FAM156A: variants seen among roughly 807,000 people sequenced by gnomAD.
FAM156A encodes protein FAM156A/FAM156B.
intron 1 of FAM156A, among the ~76,000 whole-genome samples, chrX:52,993,106 G>A (rs1273291434): frequency 2.7e-5 from 3 of 111,641 alleles, no homozygotes; most frequent in African/African-American, 9.8e-5. Flanking sequence ...GGGAGAAATA[G>A]AGATGGGGAC....
intron 1 of FAM156A, among the ~76,000 whole-genome samples, chrX:52,979,559 C>T (rs1602048959): frequency 9.0e-6 from 1 of 111,185 alleles, no homozygotes; most frequent in African/African-American, 3.3e-5. Context: ...CACACCTGTC[C>T]CTGGCAGCCT....
At chrX:52,985,443 G>A (rs1556794215) in intron 1 of FAM156A, among the ~76,000 whole-genome samples, 1 of 110,799 alleles carries the variant, frequency 9.0e-6, no homozygotes, top group Admixed American at 9.6e-5. Context: ...TTATCATATT[G>A]GAAAAAATAA....
At chrX:52,979,165 G>A (rs1350051649) in intron 1 of FAM156A, among the ~76,000 whole-genome samples, 3 of 112,007 alleles carry the variant, frequency 2.7e-5, no homozygotes, top group Non-Finnish European at 3.8e-5. Flanking sequence ...GAGACTCACC[G>A]TAAGGGTAGG....
chrX:52,980,851 T>TGTGTGTGTGG (rs1356126923), intron 1 of FAM156A, among the ~76,000 whole-genome samples: 9 of 43,947 alleles, frequency 2.0e-4, no homozygotes, highest in Non-Finnish European at 2.7e-4. Flanking sequence ...TGTGTGTGTG[T>TGTGTGTGTGG]AGAGGGAGAG....
At chrX:52,982,355 G>A (rs782502043) in intron 1 of FAM156A, among the ~76,000 whole-genome samples, 3 of 111,365 alleles carry the variant, frequency 2.7e-5, no homozygotes, top group East Asian at 5.6e-4. Flanking sequence ...TCGAGAGGCT[G>A]AGGTGGGAGA....
chrX:52,987,229 CAG>C (rs1226202758), intron 1 of FAM156A, among the ~76,000 whole-genome samples: 16 of 112,021 alleles, frequency 1.4e-4, no homozygotes, highest in African/African-American at 4.9e-4. Context: ...TCATGGATTA[CAG>C]ACTCATTATA....
chrX:52,983,616 G>A (rs1449724159), intron 1 of FAM156A, among the ~76,000 whole-genome samples: 2 of 111,842 alleles, frequency 1.8e-5, no homozygotes, highest in African/African-American at 6.5e-5. Context: ...GGAGGAGAGA[G>A]AAACCCAAAT....
At chrX:52,973,643 C>T (rs1929210547) in intron 1 of FAM156A, among the ~76,000 whole-genome samples, 1 of 111,825 alleles carries the variant, frequency 8.9e-6, no homozygotes, top group African/African-American at 3.3e-5. Flanking sequence ...GTACTGGACA[C>T]GGAACAATTG....
At chrX:52,989,445 C>G (rs985094685) in intron 1 of FAM156A, among the ~76,000 whole-genome samples, 2 of 112,138 alleles carry the variant, frequency 1.8e-5, no homozygotes, top group Non-Finnish European at 3.8e-5. Flanking sequence ...CGCCTCAGCT[C>G]CCCTCCATTC....
At chrX:52,994,866 G>A (rs150339614) in intron 1 of FAM156A, among the ~76,000 whole-genome samples, 216 of 111,171 alleles carry the variant, frequency 1.9e-3, no homozygotes, top group Non-Finnish European at 3.5e-3. Flanking sequence ...TATAGTCGCA[G>A]CTACTCGGGA....
At chrX:52,983,588 AT>A (rs56228896) in intron 1 of FAM156A, among the ~76,000 whole-genome samples, 10,697 of 111,120 alleles carry the variant, frequency 0.096, 481 homozygotes, top group Non-Finnish European at 0.14. Context: ...AACTGATATA[AT>A]TTTTTCCCTC....
intron 1 of FAM156A, among the ~76,000 whole-genome samples, chrX:52,994,038 T>C (rs1423894735): frequency 1.8e-5 from 2 of 110,978 alleles, no homozygotes; most frequent in Admixed American, 9.6e-5. Flanking sequence ...GGCTCCAGGC[T>C]TTGAAATCAT....
intron 1 of FAM156A, among the ~76,000 whole-genome samples, chrX:52,987,963 T>G (rs782035938): frequency 8.9e-6 from 1 of 111,925 alleles, no homozygotes; most frequent in East Asian, 2.8e-4. Flanking sequence ...TGAATGAAAC[T>G]CAAGGGGTCG....
chrX:52,993,968 T>C (rs1930987829), intron 1 of FAM156A, among the ~76,000 whole-genome samples: 1 of 111,037 alleles, frequency 9.0e-6, no homozygotes, highest in African/African-American at 3.3e-5. Flanking sequence ...CTGATTATGA[T>C]ACATACTGAG....
intron 1 of FAM156A, among the ~76,000 whole-genome samples, chrX:52,988,879 T>C (rs781972162): frequency 1.8e-5 from 2 of 112,324 alleles, no homozygotes; most frequent in Admixed American, 1.9e-4. Flanking sequence ...TTCCAGTTTT[T>C]AGCTATTACA....
intron 1 of FAM156A, among the ~76,000 whole-genome samples, chrX:52,980,661 GGGA>G (rs1213058510): frequency 8.9e-6 from 1 of 111,820 alleles, no homozygotes; most frequent in Non-Finnish European, 1.9e-5. Context: ...TGCAGAGGGT[GGGA>G]GGAGAATGCC....
At chrX:52,981,617 C>T (rs946972076) in intron 1 of FAM156A, among the ~76,000 whole-genome samples, 8 of 111,466 alleles carry the variant, frequency 7.2e-5, no homozygotes, top group Admixed American at 6.7e-4. Flanking sequence ...TGACAGAAGG[C>T]AGTCAGTCCA....
chrX:52,986,675 A>G lies in FAM156A; in HGVS notation c.-434+8631T>C, dbSNP rs782235824. ...TCATTCATAATTAAAGAAAAAAAAA[A>G]CAGCAAACCAGAATTAGAAGGAGGC... is the stretch of plus-strand genomic sequence containing the variant. On this transcript the variant is annotated intron_variant, in intron 1 of 4. Coordinates refer to the FAM156A transcript ENST00000610625. 4.5e-5 allele frequency among the ~76,000 whole-genome samples: 5 copies of G among 111,364 alleles called. 1 individual carries two copies. Among genetic ancestry groups the G allele is most frequent in the Non-Finnish European group, 9.4e-5 (5 of 53,066 alleles).
At chrX:52,984,605 C>T (rs997457832) in intron 1 of FAM156A, among the ~76,000 whole-genome samples, 7 of 111,748 alleles carry the variant, frequency 6.3e-5, no homozygotes, top group African/African-American at 1.9e-4. Context: ...CAGTGGTTCG[C>T]GCCTGTAATC....
Sources: allele counts gnomAD v4.1 joint callset (sites outside exome capture counted in the v4.1 genomes callset), GRCh38; gene constraint gnomAD v4.1.1; transcripts MANE v1.5; gene names NCBI Gene and HGNC (gene_info 2026-07-23, HGNC 2026-07-21).